OPLAH: variants seen among roughly 807,000 people sequenced by gnomAD.
The protein encoded by OPLAH is 5-oxoprolinase, ATP-hydrolysing, also known as 5-oxoprolinase.
OPLAH carries 103 observed loss-of-function variants against 122.8 expected under a neutral mutation model. That is an observed-to-expected ratio of 0.84 (90% CI 0.71 to 0.99). The LOEUF is 0.99. OPLAH is among the 50% of genes least tolerant of loss of function. OPLAH has a pLI of 0.00. For synonymous variants in OPLAH, 875 were observed against 796.0 expected, an observed-to-expected ratio of 1.10 and a Z score of -1.67; for missense variants, 1,902 against 1,836.5, an observed-to-expected ratio of 1.04 and a Z score of -0.65.
rs1835371462 is a variant in OPLAH at position 144,051,422 on chromosome 8, C to T, written c.3771G>A (p.Glu1257=). 3 of 1,587,432 alleles carry T rather than the reference C, an allele frequency of 1.9e-6. No individual in the cohort carries two copies. Among genetic ancestry groups the T allele is most frequent in the Non-Finnish European group, 2.6e-6 (3 of 1,170,716 alleles). ...TPGGGGYGDP[E]DPAPPPGSPP... is the part of the protein sequence containing the mutation. ...GCGACCCCGGCGGTGGGGCGGGGTCCTCCGGGTCCCCATAGCCACCGCCGC... is the reference window on the plus strand; with the variant it reads ...GCGACCCCGGCGGTGGGGCGGGGTCTTCCGGGTCCCCATAGCCACCGCCGC... The change falls in exon 27 of 27, where the codon GAG becomes GAA. Residue 1257 remains glutamate, a synonymous_variant. Transcript: ENST00000618853.
Position 144,057,268 on chromosome 8 carries a change from C to T in OPLAH, c.1475G>A (p.Gly492Asp). 4 of 1,612,438 alleles carry T rather than the reference C, an allele frequency of 2.5e-6. No individual in the cohort carries two copies. The highest frequency in any genetic ancestry group is 3.4e-6 in the Non-Finnish European group (4 of 1,179,762). Residue 492 changes from glycine (G) to aspartate (D), a missense_variant, in exon 11 of 27, where the codon GGT becomes GAT. Around this residue, in one of 3 missense-constraint regions of OPLAH, gnomAD observed 1,726 missense variants for 1,642.1 expected, o/e 1.05. Transcript: ENST00000618853. Reference protein sequence around the residue: ...AHVLACFGGAGGQHACAIARA... With the variant: ...AHVLACFGGADGQHACAIARA... ...GGCGATGGCACATGCATGCTGCCCA[C>T]CAGCTCCCCCAAAGCAGGCCAGCAC...
intron 19 of OPLAH, 73 bp from the exon 20 acceptor site, chr8:144,053,466 A>T: frequency 1.4e-6 from 2 of 1,447,820 alleles, no homozygotes; most frequent in Non-Finnish European, 1.9e-6. Flanking sequence ...TCCCAGATCC[A>T]GACAAGGTCT....
Position 144,055,696 on chromosome 8 carries a change from C to T in OPLAH, c.2248+92G>A. On this transcript the variant is annotated intron_variant, in intron 16 of 26. Coordinates refer to ENST00000618853, the MANE Select transcript of OPLAH (RefSeq NM_017570.5). This position sits in a 1 kb window ranked among gnomAD's most constrained non-coding sequence, Gnocchi z 6.5. The stretch of plus-strand genomic sequence containing the variant: ...CCCGCCCCGTCGCCAGGGGGTCCTG[C>T]TTCTGCCTCTCCCTTTGGGCACAGC... The T allele has an allele frequency of 7.2e-7, 1 of 1,379,600 alleles. No homozygotes were observed. Among genetic ancestry groups the T allele is most frequent in the South Asian group, 1.7e-5 (1 of 60,472 alleles). The allele number at this position is 1,379,600 out of a possible 1,614,324, so 85.5% of individuals were successfully genotyped here.
chr8:144,060,899 C>G (rs1348690346), upstream of OPLAH, among the ~76,000 whole-genome samples: 1 of 152,264 alleles, frequency 6.6e-6, no homozygotes, highest in Non-Finnish European at 1.5e-5. Flanking sequence ...TCTCCGGCGC[C>G]GGGCCTGGGC....
In OPLAH at chr8:144,059,589, T is replaced by A; in HGVS notation, c.363+10A>T. 1 of 1,596,160 alleles carries A rather than the reference T, an allele frequency of 6.3e-7. No individual in the cohort carries two copies. The highest frequency in any genetic ancestry group is 8.6e-7 in the Non-Finnish European group (1 of 1,168,446). Reference sequence around the variant, plus strand: ...CACACAGCCTGGTCCCCAGCCAACATGGAGCTCACCAGGTCAAAGAGGTCC... The same window carrying A: ...CACACAGCCTGGTCCCCAGCCAACAAGGAGCTCACCAGGTCAAAGAGGTCC... On this transcript the variant is annotated intron_variant, in intron 3 of 26. Transcript: ENST00000618853.
At position 144,059,853 on chromosome 8, in the gene OPLAH, C is replaced by T; in HGVS notation, c.171+9G>A. On this transcript the variant is annotated intron_variant, in intron 2 of 26. Coordinates refer to ENST00000618853, the MANE Select transcript of OPLAH (RefSeq NM_017570.5). ...GGGGTCCCTGTCCACCCGCTCCGCC[C>T]TGGCCCACCTGCTCCAGGATGCGGC... 1 of 1,612,556 alleles carries T rather than the reference C, an allele frequency of 6.2e-7. No homozygotes were observed.
At position 144,056,681 on chromosome 8, in the gene OPLAH, T is replaced by C. The variant is rs1554759247; in HGVS notation, c.1781A>G (p.His594Arg). Residue 594 changes from histidine (H) to arginine (R), a missense_variant, in exon 13 of 27, where the codon CAC (histidine) becomes CGC (arginine). Around this residue, in one of 3 missense-constraint regions of OPLAH, gnomAD observed 1,726 missense variants for 1,642.1 expected, o/e 1.05. Coordinates refer to ENST00000618853, the MANE Select transcript of OPLAH (RefSeq NM_017570.5). ...GTDCALMVSAHQHPATARSPR... is the reference protein window; with the variant it reads ...GTDCALMVSARQHPATARSPR... ...CGAGCGGGCTGTGGCTGGGTGCTGG[T>C]GGGCAGACACCATCAGAGCACAGTC... The C allele has an allele frequency of 1.2e-6, 2 of 1,611,688 alleles. No homozygotes were observed. The highest frequency in any genetic ancestry group is 1.1e-5 in the South Asian group (1 of 90,968).
At position 144,053,375 on chromosome 8, in the gene OPLAH, C is replaced by G; in HGVS notation, c.2705G>C (p.Arg902Pro). The G allele has an allele frequency of 6.2e-7, 1 of 1,611,334 alleles. No homozygotes were observed. Among genetic ancestry groups the G allele is most frequent in the Non-Finnish European group, 8.5e-7 (1 of 1,179,198 alleles). The change falls in exon 20 of 27, where the codon CGG (arginine) becomes CCG (proline). Residue 902 changes from arginine to proline, a missense_variant. By Grantham distance (103) the Arg-to-Pro change is moderately radical. This residue lies in a region of OPLAH where 1,726 missense variants were observed against 1,642.1 expected (regional missense o/e 1.05). Coordinates refer to ENST00000618853, the MANE Select transcript of OPLAH (RefSeq NM_017570.5). ...GCAGTTGGGGACCTTGCCTGGCGCC[C>G]GCAGGGCCTCCGTCACCGCTGGATG... ...FQEEAVTEAL[R>P]APGKVPNCSG...
chr8:144,058,849 C>G lies in OPLAH; in HGVS notation c.511G>C (p.Ala171Pro). ...LEVQQPVDLG[A>P]LRGKLEGLLS... ...AGCCCCTCCAGCTTCCCACGCAGGGCCCCCAGGTCCACAGGCTGCTGCACT... is the reference window on the plus strand; with the variant it reads ...AGCCCCTCCAGCTTCCCACGCAGGGGCCCCAGGTCCACAGGCTGCTGCACT... Residue 171 changes from alanine to proline, a missense_variant, in exon 5 of 27, where the codon GCC becomes CCC. Transcript: ENST00000618853. 6.4e-7 allele frequency: 1 copy of G among 1,574,360 alleles called. No individual in the cohort carries two copies.
chr8:144,058,946 G>T (rs1554760230), intron 4 of OPLAH, 34 bp downstream of exon 4: 3 of 1,556,898 alleles, frequency 1.9e-6, no homozygotes, highest in Non-Finnish European at 8.7e-7. Flanking sequence ...GGACCCTCCG[G>T]CCCCAAATCC....
At chr8:144,051,194 A>T (rs1835364063), downstream of OPLAH, 3 of 1,461,088 alleles carry the variant, frequency 2.1e-6, no homozygotes, top group Admixed American at 5.3e-5. Flanking sequence ...TCCGAGTCTC[A>T]GTGTCCTCCT....
intron 19 of OPLAH, among the ~76,000 whole-genome samples, chr8:144,053,673 CCTAT>C (rs1327269121): frequency 5.9e-5 from 9 of 152,026 alleles, no homozygotes; most frequent in Non-Finnish European, 1.2e-4. Context: ...AATGGGCCAC[CCTAT>C]CTGTGTCCTC....
At chr8:144,051,189 G>A, downstream of OPLAH, 1 of 1,450,768 alleles carries the variant, frequency 6.9e-7, no homozygotes. Context: ...GCAGCTCCGA[G>A]TCTCAGTGTC....
chr8:144,059,174 A>C, intron 3 of OPLAH, 95 bp from the exon 4 acceptor site: 1 of 1,037,380 alleles, frequency 9.6e-7, no homozygotes, highest in Non-Finnish European at 1.4e-6. Context: ...GCTGTGTCCC[A>C]ACAGGCCGGT....
At chr8:144,053,592 T>C (rs1302642996) in intron 19 of OPLAH, among the ~76,000 whole-genome samples, 199 bp from the exon 20 acceptor site, 1 of 152,074 alleles carries the variant, frequency 6.6e-6, no homozygotes, top group Non-Finnish European at 1.5e-5. Context: ...CCCTCTGCAG[T>C]GTGCCTGTGC....
intron 1 of OPLAH, 63 bp from the exon 2 acceptor site, chr8:144,060,148 G>A (rs1835633511): frequency 8.4e-7 from 1 of 1,188,406 alleles, no homozygotes; most frequent in African/African-American, 1.6e-5. Flanking sequence ...CCCCAGCCCT[G>A]CGCATGCGGG....
Position 144,052,253 on chromosome 8 carries a change from G to A in OPLAH, c.3377C>T (p.Ala1126Val). 6.5e-7 allele frequency: 1 copy of A among 1,542,850 alleles called. No homozygotes were observed. Among genetic ancestry groups the A allele is most frequent in the Non-Finnish European group, 8.7e-7 (1 of 1,149,406 alleles). The change falls in exon 24 of 27, where the codon GCG becomes GTG. Residue 1126 changes from alanine (A) to valine (V), a missense_variant. By Grantham distance (64) the Ala-to-Val change is moderately conservative (BLOSUM62 0). Transcript: ENST00000618853. ...YYETVAGGAG[A>V]GPSWHGRSGV... ...GCTGCGCCCGTGCCAGCTGGGACCC[G>A]CGCCCGCGCCGCCCGCCACCGTCTC...
chr8:144,063,551 T>A (rs1835696965), upstream of OPLAH: 1 of 152,644 alleles, frequency 6.6e-6, no homozygotes, highest in Non-Finnish European at 1.5e-5. This position sits in a 1 kb window ranked among gnomAD's most constrained non-coding sequence, Gnocchi z 4.2. Context: ...GCTCAGGCTC[T>A]GCTCAGAGGT....
Position 144,058,850 on chromosome 8 carries a change from C to A in OPLAH, c.510G>T (p.Gly170=). Residue 170 remains glycine (G), a synonymous_variant, in exon 5 of 27, where the codon GGG becomes GGT. Transcript: ENST00000618853. ...GCCCCTCCAGCTTCCCACGCAGGGC[C>A]CCCAGGTCCACAGGCTGCTGCACTT... The part of the protein sequence containing the change: ...LLEVQQPVDL[G]ALRGKLEGLL... 1 of 1,575,194 alleles carries A rather than the reference C, an allele frequency of 6.3e-7. No individual in the cohort carries two copies. Among genetic ancestry groups the A allele is most frequent in the Non-Finnish European group, 8.6e-7 (1 of 1,161,554 alleles).
Sources: allele counts gnomAD v4.1 joint callset (sites outside exome capture counted in the v4.1 genomes callset), GRCh38; gene constraint gnomAD v4.1.1; regional missense constraint gnomAD v4.1.1; non-coding constraint Gnocchi (gnomAD v3.1); transcripts MANE v1.5; gene names NCBI Gene and HGNC (gene_info 2026-07-23, HGNC 2026-07-21).